The following EPB41L1 variants were observed in gnomAD, a reference collection of about 807,000 sequenced individuals.
EPB41L1 encodes the protein band 4.1-like protein 1.
EPB41L1 carries 29 observed loss-of-function variants against 97.8 expected under a neutral mutation model. The ratio of observed to expected loss-of-function variants is 0.30; its 90% CI spans 0.22 to 0.40. EPB41L1 has a LOEUF of 0.40. Ranked by LOEUF, EPB41L1 falls within the 10% of genes least tolerant of loss-of-function variation. EPB41L1 has a pLI of 1.00. For synonymous variants in EPB41L1, 383 were observed against 459.2 expected, an observed-to-expected ratio of 0.83 and a Z score of 2.12; for missense variants, 812 against 1,162.3, an observed-to-expected ratio of 0.70 and a Z score of 4.38.
At chr20:36,175,428 C>T (rs990439968) in intron 2 of EPB41L1, 123 bp from the exon 3 acceptor site, 36 of 1,180,682 alleles carry the variant, frequency 3.0e-5, no homozygotes, top group African/African-American at 2.7e-4. Context: ...GGGTCTCAGA[C>T]GGTAGCGACT....
chr20:36,108,995 G>C (rs1429195964), intron 1 of EPB41L1, among the ~76,000 whole-genome samples: 1 of 151,346 alleles, frequency 6.6e-6, no homozygotes, highest in African/African-American at 2.4e-5. Flanking sequence ...CCAGACTGGA[G>C]TGCAGTGGTG....
intron 5 of EPB41L1, 136 bp downstream of exon 5, chr20:36,178,808 A>G: frequency 3.1e-6 from 3 of 976,298 alleles, no homozygotes; most frequent in East Asian, 2.4e-5. Context: ...TGTAATCCCA[A>G]CACTTTGCGA....
chr20:36,143,921 T>A lies in EPB41L1; in HGVS notation c.-10+31441T>A, dbSNP rs189381840. Among the ~76,000 whole-genome samples, 238 of 152,148 alleles carry A rather than the reference T, an allele frequency of 1.6e-3. 1 individual carries two copies. Among genetic ancestry groups the A allele is most frequent in the African/African-American group, 5.5e-3 (229 of 41,510 alleles). On this transcript the variant is annotated intron_variant, in intron 2 of 19. Transcript: ENST00000202028. The stretch of plus-strand genomic sequence containing the variant: ...AGGCTGGAGTGCAGTGGCGCGATTT[T>A]GGCTCACTGCAACCTCTGCCTCCCG...
chr20:36,183,922 AT>A (rs1229480641), intron 6 of EPB41L1, among the ~76,000 whole-genome samples: 1 of 152,194 alleles, frequency 6.6e-6, no homozygotes, highest in African/African-American at 2.4e-5. Flanking sequence ...AGTAAGAATT[AT>A]TTTAAGTAAA....
intron 5 of EPB41L1, among the ~76,000 whole-genome samples, chr20:36,181,349 T>G (rs1682763853): frequency 6.6e-6 from 1 of 152,360 alleles, no homozygotes; most frequent in South Asian, 2.1e-4. Flanking sequence ...TGACCACCCC[T>G]TCTCTGGGCT....
At position 36,199,134 on chromosome 20, in the gene EPB41L1, C is replaced by T. The variant is rs114392369; in HGVS notation, c.1668+1093C>T. Among the ~76,000 whole-genome samples the T allele has an allele frequency of 1.9e-3, 291 of 152,262 alleles. 1 individual carries two copies. The highest frequency in any genetic ancestry group is 0.011 in the South Asian group (52 of 4,818). On this transcript the variant is annotated intron_variant, in intron 14 of 21. Transcript: ENST00000338074. ...TAATTTAACTAGAGGCATTCACAGA[C>T]GACTTTTCTTTAACAAATAAAATTC...
intron 2 of EPB41L1, among the ~76,000 whole-genome samples, chr20:36,131,411 G>GT (rs1230458302): frequency 2.6e-5 from 4 of 151,912 alleles, no homozygotes; most frequent in African/African-American, 4.8e-5. Context: ...CACCCAGCCT[G>GT]TTTTTTATTT....
chr20:36,192,206 G>A (rs1007355336), intron 11 of EPB41L1, among the ~76,000 whole-genome samples: 1 of 151,568 alleles, frequency 6.6e-6, no homozygotes, highest in East Asian at 1.9e-4. Flanking sequence ...GGGCAACAAA[G>A]CGAGACTCCA....
chr20:36,149,154 T>C (rs2145410980), intron 2 of EPB41L1, among the ~76,000 whole-genome samples: 1 of 152,242 alleles, frequency 6.6e-6, no homozygotes, highest in South Asian at 2.1e-4. Flanking sequence ...ATTATCCCCA[T>C]TGTACAGATG....
chr20:36,184,768 A>G (rs1457216323), intron 6 of EPB41L1, among the ~76,000 whole-genome samples: 1 of 152,266 alleles, frequency 6.6e-6, no homozygotes, highest in African/African-American at 2.4e-5. Flanking sequence ...TTTCCACAAC[A>G]TGAATACAGT....
chr20:36,206,719 G>A lies in EPB41L1; in HGVS notation c.1669-2769G>A. ...TGGTGACCTGAAGGGATCTCCCGCA[G>A]GACAGACGTTTGCTGAAGGCTGGGA... On this transcript the variant is annotated intron_variant, in intron 14 of 21. Coordinates refer to ENST00000338074, the MANE Select transcript of EPB41L1 (RefSeq NM_012156.2). This position sits in a 1 kb window ranked among gnomAD's most constrained non-coding sequence, Gnocchi z 5.5. 1 of 1,289,860 alleles carries A rather than the reference G, an allele frequency of 7.8e-7. No homozygotes were observed. Among genetic ancestry groups the A allele is most frequent in the South Asian group, 1.2e-5 (1 of 81,026 alleles). The allele number at this position is 1,289,860 out of a possible 1,614,324, so 79.9% of individuals were successfully genotyped here. A position where few individuals can be genotyped will look rare whatever the true frequency, so the allele number is the denominator to read the frequency against.
In EPB41L1 at chr20:36,197,992, C is replaced by T. The variant is rs1252110938; in HGVS notation, c.1619C>T (p.Ser540Phe). 1.9e-6 allele frequency: 3 copies of T among 1,613,584 alleles called. No homozygotes were observed. Among genetic ancestry groups the T allele is most frequent in the African/African-American group, 1.3e-5 (1 of 74,860 alleles). Residue 540 changes from serine (S) to phenylalanine (F), a missense_variant, in exon 14 of 22, where the codon TCC (serine) becomes TTC (phenylalanine). Ser to Phe is a radical substitution (Grantham distance 155). This residue lies in a region of EPB41L1 where 498 missense variants were observed against 622.7 expected (regional missense o/e 0.80). Coordinates refer to ENST00000338074, the MANE Select transcript of EPB41L1 (RefSeq NM_012156.2). ...RDWERERRLPSSPASPSPKGT... is the reference protein window; with the variant it reads ...RDWERERRLPFSPASPSPKGT... ...TGGGAACGGGAGCGCAGGCTGCCCT[C>T]CTCCCCCGCCTCCCCCTCCCCCAAG...
intron 2 of EPB41L1, among the ~76,000 whole-genome samples, chr20:36,117,537 AT>A (rs749527451): frequency 4.6e-5 from 7 of 152,210 alleles, no homozygotes; most frequent in Non-Finnish European, 1.0e-4. Flanking sequence ...GGGCTTTTCA[AT>A]TTATCATCTC....
At chr20:36,110,188 G>A (rs1211657124) in intron 1 of EPB41L1, among the ~76,000 whole-genome samples, 3 of 152,076 alleles carry the variant, frequency 2.0e-5, no homozygotes, top group East Asian at 1.9e-4. Context: ...TGATCCGCCC[G>A]CCTCGGCCTC....
intron 14 of EPB41L1, among the ~76,000 whole-genome samples, chr20:36,205,368 T>C (rs1171221593): frequency 1.3e-5 from 2 of 152,222 alleles, no homozygotes; most frequent in Admixed American, 6.5e-5. Context: ...GGCAAGTCAC[T>C]GTCCATCTCT....
chr20:36,206,841 G>A lies in EPB41L1; in HGVS notation c.1669-2647G>A, dbSNP rs2062844983. The A allele has an allele frequency of 7.8e-7, 1 of 1,289,792 alleles. No individual in the cohort carries two copies. Among genetic ancestry groups the A allele is most frequent in the Non-Finnish European group, 1.0e-6 (1 of 988,904 alleles). 79.9% of individuals were successfully genotyped at this position (1,289,792 alleles called of 1,614,324 possible). A position where few individuals can be genotyped will look rare whatever the true frequency, so the allele number is the denominator to read the frequency against. On this transcript the variant is annotated intron_variant, in intron 14 of 21. Coordinates refer to ENST00000338074, the MANE Select transcript of EPB41L1 (RefSeq NM_012156.2). This position sits in a 1 kb window ranked among gnomAD's most constrained non-coding sequence, Gnocchi z 5.5. ...CCGTGAGTGGAGATTTGCTGGGAAA[G>A]GCTGAGGAAAGTCCCACAGAGGAAC...
At chr20:36,094,122 C>G (rs1490043833) in intron 1 of EPB41L1, among the ~76,000 whole-genome samples, 1 of 152,096 alleles carries the variant, frequency 6.6e-6, no homozygotes, top group Non-Finnish European at 1.5e-5. Context: ...ATGTGTCCTC[C>G]CTGTGTACTT....
intron 11 of EPB41L1, among the ~76,000 whole-genome samples, chr20:36,193,352 C>T (rs770614637): frequency 2.6e-5 from 4 of 152,126 alleles, no homozygotes; most frequent in Admixed American, 6.5e-5. Context: ...GTAAATCAAA[C>T]GAAATATATG....
chr20:36,146,398 AT>A (rs1238130583), intron 2 of EPB41L1, among the ~76,000 whole-genome samples: 1 of 152,230 alleles, frequency 6.6e-6, no homozygotes, highest in Non-Finnish European at 1.5e-5. Context: ...ACTGAAGCCA[AT>A]GGTTATTTTA....
Sources: gnomAD v4.1 joint callset for allele counts (sites outside exome capture counted in the v4.1 genomes callset) on GRCh38, gnomAD v4.1.1 for gene constraint, gnomAD v4.1.1 regional missense constraint, Gnocchi (gnomAD v3.1) non-coding constraint, MANE v1.5 for transcripts, NCBI Gene and HGNC (gene_info 2026-07-23, HGNC 2026-07-21) for gene names.